The following INTS7 variants were observed in gnomAD, a reference collection of about 807,000 sequenced individuals.
INTS7 encodes integrator complex subunit 7, also known as chromosome 1 open reading frame 73.
A neutral mutation model predicts 109.2 loss-of-function variants in INTS7; 46 were observed. The observed-to-expected ratio is 0.42, with a 90% confidence interval of 0.33 to 0.54. The LOEUF is 0.54. INTS7 is among the 20% of genes least tolerant of loss of function. The pLI is 0.07. For missense variants in INTS7, 929 were observed against 1,132.4 expected (o/e 0.82, Z 2.58); for synonymous variants, 412 against 402.9 (o/e 1.02, Z -0.27).
intron 11 of INTS7, among the ~76,000 whole-genome samples, chr1:211,977,682 G>A (rs1664478626): frequency 6.6e-6 from 1 of 152,116 alleles, no homozygotes; most frequent in Non-Finnish European, 1.5e-5. Flanking sequence ...TTAGAATGTA[G>A]CCTACTCTCA....
rs527516060 is a variant in INTS7 at position 212,015,413 on chromosome 1, C to T, written c.509+1473G>A. Among the ~76,000 whole-genome samples, 4 of 151,856 alleles carry T rather than the reference C, an allele frequency of 2.6e-5. No homozygotes were observed. The South Asian group carries it at 8.3e-4, about 32-fold the overall frequency. ...TGTTAATCTATAACCTTACCCCCAACCCCCTGCTCTCTGAAACATGTGCTA... is the reference window on the plus strand; with the variant it reads ...TGTTAATCTATAACCTTACCCCCAATCCCCTGCTCTCTGAAACATGTGCTA... On this transcript the variant is annotated intron_variant, in intron 4 of 19. Transcript: ENST00000366994.
intron 1 of INTS7, among the ~76,000 whole-genome samples, 179 bp from the exon 2 acceptor site, chr1:212,021,391 A>T (rs1179148809): frequency 6.6e-6 from 1 of 152,188 alleles, no homozygotes; most frequent in Non-Finnish European, 1.5e-5. Context: ...GTAATCTGGA[A>T]ATCGCTACTT....
chr1:211,982,618 A>G, intron 9 of INTS7, 58 bp downstream of exon 9: 4 of 1,381,414 alleles, frequency 2.9e-6, no homozygotes, highest in Non-Finnish European at 2.9e-6. Flanking sequence ...ATCAAACAGA[A>G]TTCTGTCCAA....
chr1:212,015,144 C>T (rs898355175), intron 4 of INTS7, among the ~76,000 whole-genome samples: 1 of 151,986 alleles, frequency 6.6e-6, no homozygotes, highest in African/African-American at 2.4e-5. Flanking sequence ...GGGGGCAGCC[C>T]CTGCCCGGGA....
intron 12 of INTS7, 137 bp from the exon 13 acceptor site, chr1:211,975,509 T>C (rs1664379287): frequency 1.6e-6 from 1 of 637,784 alleles, no homozygotes. Flanking sequence ...TCATATTATG[T>C]AATTCGCTGA....
rs1007105375 is a variant in INTS7 at position 211,940,882 on chromosome 1, TAC to T, written c.*940_*941del. On this transcript the variant is annotated 3_prime_UTR_variant, in exon 20 of 20. Transcript: ENST00000366994. ...GAAACAATGTGAAATGTCTGTATTA[TAC>T]ACAGTTGCAGACACATCAGAAAAAA... The T allele has an allele frequency of 3.9e-4, 60 of 152,258 alleles. 2 individuals are homozygous for T. The highest frequency in any genetic ancestry group is 1.5e-5 in the Non-Finnish European group (1 of 68,038). The allele number at this position is 152,258 out of a possible 1,614,324, so 9.4% of individuals were successfully genotyped here.
At chr1:212,016,115 T>C (rs948481278) in intron 4 of INTS7, among the ~76,000 whole-genome samples, 3 of 152,172 alleles carry the variant, frequency 2.0e-5, no homozygotes, top group Non-Finnish European at 4.4e-5. Flanking sequence ...TGGAAGAAAT[T>C]TAGGTTGCTT....
intron 16 of INTS7, among the ~76,000 whole-genome samples, chr1:211,957,477 T>C (rs145572011): frequency 0.047 from 7,044 of 148,954 alleles, 303 homozygotes; most frequent in African/African-American, 0.12. Context: ...ACCTGGGAGG[T>C]GGAGGTTGCA....
intron 1 of INTS7, among the ~76,000 whole-genome samples, chr1:212,031,586 T>C (rs1399567093): frequency 6.6e-6 from 1 of 152,224 alleles, no homozygotes; most frequent in Non-Finnish European, 1.5e-5. Flanking sequence ...ACATTTGATC[T>C]AGCATTGTCC....
At position 212,025,690 on chromosome 1, in the gene INTS7, G is replaced by GAA. The variant is rs78348028; in HGVS notation, c.95-4480_95-4479dup. On this transcript the variant is annotated intron_variant, in intron 1 of 19. Coordinates refer to ENST00000366994, the MANE Select transcript of INTS7 (RefSeq NM_015434.4). ...CTGCCTGGAGTCACAGCTGTACCAGGAAAAAAAAAAAAAAATTCACTAAGA... is the reference window on the plus strand; with the variant it reads ...CTGCCTGGAGTCACAGCTGTACCAGGAAAAAAAAAAAAAAAAATTCACTAAGA... 459 of 144,858 alleles carry GAA rather than the reference G, an allele frequency of 3.2e-3. 1 individual carries two copies. The highest frequency in any genetic ancestry group is 9.0e-3 in the South Asian group (42 of 4,674). The allele number at this position is 144,858 out of a possible 1,614,324, so 9.0% of individuals were successfully genotyped here.
At chr1:212,013,078 A>C (rs560012243) in intron 4 of INTS7, among the ~76,000 whole-genome samples, 1 of 152,338 alleles carries the variant, frequency 6.6e-6, no homozygotes, top group African/African-American at 2.4e-5. Context: ...TTGGTCAACA[A>C]CACACTACAT....
intron 17 of INTS7, 88 bp downstream of exon 17, chr1:211,952,481 A>G (rs1663143173): frequency 7.4e-7 from 1 of 1,356,520 alleles, no homozygotes; most frequent in Non-Finnish European, 1.0e-6. Flanking sequence ...AGAAAGGTTA[A>G]TTTGTTGAAC....
rs375712157 is a variant in INTS7 at position 211,968,495 on chromosome 1, C to T, written c.2010+18G>A. 6.3e-7 allele frequency: 1 copy of T among 1,592,972 alleles called. No individual in the cohort carries two copies. The highest frequency in any genetic ancestry group is 2.2e-5 in the East Asian group (1 of 44,764). On this transcript the variant is annotated intron_variant, in intron 14 of 19. Transcript: ENST00000366994. ...CTCTAAAGTGTAAATAAAAAATGCA[C>T]TGAAAGTTAAGACATGCCTGATTGG...
At chr1:211,989,678 C>T (rs970259325) in intron 7 of INTS7, among the ~76,000 whole-genome samples, 5 of 151,838 alleles carry the variant, frequency 3.3e-5, no homozygotes, top group East Asian at 1.9e-4. Context: ...AAAAATCAGC[C>T]GGGTGTGGTG....
At chr1:212,005,771 G>A (rs969665363) in intron 7 of INTS7, among the ~76,000 whole-genome samples, 3 of 152,136 alleles carry the variant, frequency 2.0e-5, no homozygotes, top group African/African-American at 7.2e-5. Flanking sequence ...CTCTTAAGAT[G>A]CTCTCTTAAG....
intron 7 of INTS7, among the ~76,000 whole-genome samples, chr1:212,004,319 G>A (rs890538711): frequency 3.9e-5 from 6 of 152,026 alleles, no homozygotes; most frequent in Admixed American, 1.3e-4. Context: ...TCCAGCCTGG[G>A]TGACAGAGCA....
At chr1:212,019,276 A>T (rs1666588442) in intron 3 of INTS7, among the ~76,000 whole-genome samples, 1 of 152,188 alleles carries the variant, frequency 6.6e-6, no homozygotes, top group Non-Finnish European at 1.5e-5. Flanking sequence ...TAATTAATTA[A>T]TTCGATTGAA....
At chr1:211,974,268 AAAAAAAAAATATATATATAT>A (rs1446620387) in intron 13 of INTS7, among the ~76,000 whole-genome samples, 1 of 83,820 alleles carries the variant, frequency 1.2e-5, no homozygotes, top group Non-Finnish European at 2.2e-5. Flanking sequence ...CTCTTCCCAG[AAAAAAAAAATATATATATAT>A]ATATATATAT....
chr1:212,015,386 G>C (rs560411206), intron 4 of INTS7, among the ~76,000 whole-genome samples: 1 of 152,140 alleles, frequency 6.6e-6, no homozygotes. Context: ...GCCTTGGGAT[G>C]CTGTTAATCT....
Sources: allele counts gnomAD v4.1 joint callset (sites outside exome capture counted in the v4.1 genomes callset), GRCh38; gene constraint gnomAD v4.1.1; transcripts MANE v1.5; gene names NCBI Gene and HGNC (gene_info 2026-07-23, HGNC 2026-07-21).